Variants in UEVLD observed in about 807,000 individuals in gnomAD.
UEVLD encodes UEV and lactate/malate dehyrogenase domains.
A neutral mutation model predicts 58.6 loss-of-function variants in UEVLD; 47 were observed. The ratio of observed to expected loss-of-function variants is 0.80; its 90% CI spans 0.63 to 1.02. The LOEUF (loss-of-function observed/expected upper bound fraction) is 1.02. Ranked by LOEUF, UEVLD falls within the 50% of genes least tolerant of loss-of-function variation. The pLI, the probability that UEVLD is intolerant of heterozygous loss-of-function variation, is 0.00. For synonymous variants in UEVLD, 197 were observed against 195.3 expected (o/e 1.01, Z -0.07); for missense variants, 510 against 550.6 (o/e 0.93, Z 0.74).
chr11:18,535,933 A>G (rs1372981782), intron 10 of UEVLD, among the ~76,000 whole-genome samples: 1 of 152,196 alleles, frequency 6.6e-6, no homozygotes, highest in Non-Finnish European at 1.5e-5. Flanking sequence ...TCAGGAGATC[A>G]AGACCATCCT....
At position 18,544,804 on chromosome 11, in the gene UEVLD, T is replaced by G; in HGVS notation, c.887-8A>C. 6.6e-7 allele frequency: 1 copy of G among 1,516,356 alleles called. No individual in the cohort carries two copies. The highest frequency in any genetic ancestry group is 8.8e-7 in the Non-Finnish European group (1 of 1,141,658). The allele number at this position is 1,516,356 out of a possible 1,614,324, so 93.9% of individuals were successfully genotyped here. On this transcript the variant is annotated splice_region_variant and splice_polypyrimidine_tract_variant and intron_variant, in intron 8 of 11. Coordinates refer to ENST00000396197, the MANE Select transcript of UEVLD (RefSeq NM_001040697.4). ...CATAGGTCATGATTTCCACTAAATA[T>G]TGCATACAAGGTAAAAAATGTAAAG...
intron 11 of UEVLD, among the ~76,000 whole-genome samples, chr11:18,533,479 A>G (rs745753465): frequency 2.1e-5 from 2 of 96,484 alleles, no homozygotes; most frequent in Non-Finnish European, 4.4e-5. Flanking sequence ...GATAAATGAC[A>G]GTCAGAAGAA....
In UEVLD at chr11:18,558,254, T is replaced by G. The variant is rs749978105; in HGVS notation, c.689A>C (p.Asn230Thr). The change falls in exon 7 of 12, where the codon AAC becomes ACC. Residue 230 changes from asparagine (N) to threonine (T), a missense_variant. Asn to Thr is a moderately conservative substitution (Grantham distance 65). Coordinates refer to ENST00000396197, the MANE Select transcript of UEVLD (RefSeq NM_001040697.4). ...TTTGCTGATCTCCACATTAGGAAGGTTGAAGATTTCAAGGTCCATCGTGGC... is the reference window on the plus strand; with the variant it reads ...TTTGCTGATCTCCACATTAGGAAGGGTGAAGATTTCAAGGTCCATCGTGGC... ...KGATMDLEIFNLPNVEISKDL... is the reference protein window; with the variant it reads ...KGATMDLEIFTLPNVEISKDL... The G allele has an allele frequency of 1.1e-5, 18 of 1,612,688 alleles. No homozygotes were observed. The highest frequency in any genetic ancestry group is 1.4e-5 in the Non-Finnish European group (16 of 1,179,462).
chr11:18,588,450 A>G (rs1392736513), intron 1 of UEVLD, among the ~76,000 whole-genome samples, 163 bp downstream of exon 1: 1 of 152,148 alleles, frequency 6.6e-6, no homozygotes, highest in Non-Finnish European at 1.5e-5. Flanking sequence ...AGGTCCCCTC[A>G]GCCTCCCTGG....
chr11:18,562,779 G>A (rs1038832528), intron 6 of UEVLD, among the ~76,000 whole-genome samples: 1 of 151,624 alleles, frequency 6.6e-6, no homozygotes, highest in Non-Finnish European at 1.5e-5. Context: ...CAGGAGCAGT[G>A]ACTCATGCCT....
intron 9 of UEVLD, 175 bp from the exon 10 acceptor site, chr11:18,536,644 C>T (rs1439941935): frequency 5.4e-6 from 3 of 551,302 alleles, no homozygotes; most frequent in South Asian, 2.1e-5. Context: ...ACCACTAGCC[C>T]GAGGTGAGGA....
At chr11:18,575,555 G>A (rs898378027) in intron 2 of UEVLD, 143 bp from the exon 3 acceptor site, 9 of 760,012 alleles carry the variant, frequency 1.2e-5, no homozygotes, top group Admixed American at 9.2e-5. Flanking sequence ...TCTAGGAATC[G>A]GTAAATCTGT....
At chr11:18,550,454 AT>A (rs1851478327) in intron 7 of UEVLD, among the ~76,000 whole-genome samples, 1 of 152,210 alleles carries the variant, frequency 6.6e-6, no homozygotes, top group South Asian at 2.1e-4. Flanking sequence ...TACATCAAAC[AT>A]ATTACAAGCT....
chr11:18,573,849 G>A (rs1344655614), intron 3 of UEVLD, among the ~76,000 whole-genome samples: 17 of 152,146 alleles, frequency 1.1e-4, no homozygotes, highest in Non-Finnish European at 2.1e-4. Flanking sequence ...CCCCGCAAAT[G>A]CAGCTTCCTA....
intron 3 of UEVLD, among the ~76,000 whole-genome samples, chr11:18,572,671 G>A (rs1486679883): frequency 6.6e-6 from 1 of 152,046 alleles, no homozygotes; most frequent in Non-Finnish European, 1.5e-5. Context: ...GGGCATGGTG[G>A]TGCACACCAG....
intron 7 of UEVLD, among the ~76,000 whole-genome samples, chr11:18,555,733 A>C (rs916335284): frequency 1.3e-5 from 2 of 152,176 alleles, no homozygotes; most frequent in Non-Finnish European, 2.9e-5. Flanking sequence ...GGACTGCTTG[A>C]GGCTAGGAGT....
rs768927470 is a variant in UEVLD, at chr11:18,541,334, G to A, written c.1060+3289C>T. Among the ~76,000 whole-genome samples, 39 of 152,298 alleles carry A rather than the reference G, an allele frequency of 2.6e-4. 1 individual carries two copies. Among genetic ancestry groups the A allele is most frequent in the East Asian group, 1.9e-4 (1 of 5,190 alleles). On this transcript the variant is annotated intron_variant, in intron 9 of 11. Coordinates refer to ENST00000396197, the MANE Select transcript of UEVLD (RefSeq NM_001040697.4). ...CATAATCATTGGTAAGTAAAAGGGC[G>A]AGGTGGAGAATGATGTATGATGTCT...
chr11:18,547,820 T>C (rs1851364932), intron 7 of UEVLD, among the ~76,000 whole-genome samples: 1 of 152,224 alleles, frequency 6.6e-6, no homozygotes, highest in African/African-American at 2.4e-5. Context: ...CCACTTACTT[T>C]GGCCTATCCA....
intron 6 of UEVLD, among the ~76,000 whole-genome samples, chr11:18,560,490 T>C (rs7948475): frequency 2.0e-5 from 3 of 152,194 alleles, no homozygotes; most frequent in African/African-American, 7.2e-5. Flanking sequence ...ATTTAAAACA[T>C]TAACTTCTTG....
chr11:18,579,606 G>T, intron 1 of UEVLD: 1 of 520,190 alleles, frequency 1.9e-6, no homozygotes, highest in Non-Finnish European at 2.5e-6. Context: ...TTTGTAGTCA[G>T]GTGTGTGAAC....
chr11:18,570,832 C>T (rs1415806903), intron 3 of UEVLD: 1 of 151,866 alleles, frequency 6.6e-6, no homozygotes, highest in Admixed American at 6.6e-5. Flanking sequence ...GCCTATTCCC[C>T]CCCATTTCAT....
chr11:18,558,152 C>T, intron 7 of UEVLD, 76 bp downstream of exon 7: 1 of 1,041,018 alleles, frequency 9.6e-7, no homozygotes, highest in Non-Finnish European at 1.4e-6. Flanking sequence ...CTTTAAGGTG[C>T]TTTTCAGCAT....
At chr11:18,573,061 T>C (rs767383699) in intron 3 of UEVLD, among the ~76,000 whole-genome samples, 9 of 152,148 alleles carry the variant, frequency 5.9e-5, no homozygotes, top group Non-Finnish European at 1.2e-4. Flanking sequence ...AAAGGAAAAG[T>C]GTAATGCAGG....
chr11:18,564,059 A>C, intron 6 of UEVLD: 1 of 272,482 alleles, frequency 3.7e-6, no homozygotes, highest in Non-Finnish European at 7.6e-6. Context: ...GGGTGAAAGA[A>C]ATAAAACTAC....
Sources: allele counts gnomAD v4.1 joint callset (sites outside exome capture counted in the v4.1 genomes callset), GRCh38; gene constraint gnomAD v4.1.1; transcripts MANE v1.5; gene names NCBI Gene and HGNC (gene_info 2026-07-23, HGNC 2026-07-21).